DHX16: variants seen among roughly 807,000 people sequenced by gnomAD.
The protein encoded by DHX16 is pre-mRNA-splicing factor ATP-dependent RNA helicase DHX16.
In DHX16, 81 loss-of-function variants were observed where a neutral mutation model predicts 131.2. That is an observed-to-expected ratio of 0.62 (90% CI 0.52 to 0.74). DHX16 has a LOEUF of 0.74. Among genes scored for constraint, DHX16 ranks in the 30% least tolerant of loss-of-function variants. The pLI is 0.00. For missense variants in DHX16, 980 were observed against 1,363.1 expected (o/e 0.72, Z 4.43); for synonymous variants, 440 against 520.2 (o/e 0.85, Z 2.10).
intron 18 of DHX16, 119 bp downstream of exon 18, chr6:30,655,055 GT>G (rs1767842332): frequency 4.1e-6 from 6 of 1,460,022 alleles, no homozygotes; most frequent in Non-Finnish European, 4.7e-6. Flanking sequence ...GGGAGGACAC[GT>G]CATACACAAG....
rs773590341 is a variant in DHX16 at position 30,656,906 on chromosome 6, G to A, written c.2148+46C>T. ...CCTGCTTCTGAGTTGGACCTTCTCT[G>A]TGGGCCAACTCCACCTCCCCCACTC... On this transcript the variant is annotated intron_variant, in intron 13 of 19. Coordinates refer to ENST00000376442, the MANE Select transcript of DHX16 (RefSeq NM_003587.5). This position sits in a 1 kb window ranked among gnomAD's most constrained non-coding sequence, Gnocchi z 5.1. 6.3e-7 allele frequency: 1 copy of A among 1,597,040 alleles called. No individual in the cohort carries two copies. Among genetic ancestry groups the A allele is most frequent in the Non-Finnish European group, 8.5e-7 (1 of 1,170,868 alleles).
chr6:30,671,439 C>T (rs1176964946), intron 1 of DHX16, among the ~76,000 whole-genome samples, 165 bp from the exon 2 acceptor site: 1 of 152,180 alleles, frequency 6.6e-6, no homozygotes, highest in Admixed American at 6.5e-5. Context: ...CCTCCGCCTC[C>T]CAGGTTCAAG....
At chr6:30,660,361 C>T (rs960731713) in intron 9 of DHX16, 119 bp from the exon 10 acceptor site, 5 of 818,964 alleles carry the variant, frequency 6.1e-6, no homozygotes, top group East Asian at 3.0e-5. Context: ...TGACTGTTGA[C>T]GGAGGGGGCT....
At chr6:30,654,672 C>T in intron 19 of DHX16, 34 bp downstream of exon 19, 1 of 1,586,452 alleles carries the variant, frequency 6.3e-7, no homozygotes, top group Non-Finnish European at 8.6e-7. Context: ...TCTACATAGT[C>T]TCCACCTGCG....
intron 7 of DHX16, 128 bp from the exon 8 acceptor site, chr6:30,663,149 AC>A: frequency 1.3e-6 from 1 of 762,492 alleles, no homozygotes; most frequent in South Asian, 1.8e-5. Flanking sequence ...GATGCTGAAA[AC>A]CAGAAAAGAA....
At chr6:30,663,720 CAA>C (rs537931461) in intron 7 of DHX16, among the ~76,000 whole-genome samples, 24 of 50,656 alleles carry the variant, frequency 4.7e-4, no homozygotes, top group Admixed American at 9.4e-4. Context: ...GACTCTGTCT[CAA>C]AAAAAAAAAA....
rs372778035 is a variant in DHX16 at position 30,667,938 on chromosome 6, G to T, written c.667-2205C>A. On this transcript the variant is annotated intron_variant, in intron 4 of 19. Coordinates refer to ENST00000376442, the MANE Select transcript of DHX16 (RefSeq NM_003587.5). The stretch of plus-strand genomic sequence containing the variant: ...CTGCAAGGTGAGACAGACAGAGAGA[G>T]AAACAAACTTAACATCTAAGACCCA... Among the ~76,000 whole-genome samples the T allele has an allele frequency of 1.5e-4, 23 of 152,312 alleles. No homozygotes were observed. In the South Asian group the frequency reaches 1.9e-3, roughly 12 times the overall value.
chr6:30,658,991 A>C (rs905033870), intron 12 of DHX16, among the ~76,000 whole-genome samples: 1 of 152,048 alleles, frequency 6.6e-6, no homozygotes, highest in Non-Finnish European at 1.5e-5. Context: ...GGTTCAAGCG[A>C]TTCTCATGAC....
Position 30,656,301 on chromosome 6 carries a change from C to G in DHX16, c.2431-36G>C. 6.2e-7 allele frequency: 1 copy of G among 1,613,324 alleles called. No homozygotes were observed. Among genetic ancestry groups the G allele is most frequent in the South Asian group, 1.1e-5 (1 of 91,072 alleles). ...GAGAGAGAGAGTTGAGCCCAGTCCT[C>G]CCTCAGGTTTCCCGCTACTACTACA... On this transcript the variant is annotated intron_variant, in intron 15 of 19. Transcript: ENST00000376442. The surrounding 1 kb of genome is among the most constrained non-coding windows in gnomAD (Gnocchi z 5.1).
At position 30,661,972 on chromosome 6, in the gene DHX16, C is replaced by A. The variant is rs993505750; in HGVS notation, c.1544+655G>T. On this transcript the variant is annotated intron_variant, in intron 9 of 19. Transcript: ENST00000376442. ...CAGCCTCTGAAGAGTCAAAAAGGCA[C>A]ATATTGTTCAGCTGGCCTGACCCCA... 38 of 682,516 alleles carry A rather than the reference C, an allele frequency of 5.6e-5. 1 individual carries two copies. Among genetic ancestry groups the A allele is most frequent in the Admixed American group, 5.0e-4 (24 of 48,280 alleles). The allele number at this position is 682,516 out of a possible 1,614,324, so 42.3% of individuals were successfully genotyped here. A position where few individuals can be genotyped will look rare whatever the true frequency, so the allele number is the denominator to read the frequency against.
In DHX16 at chr6:30,660,142, G is replaced by A. The variant is rs1768367668; in HGVS notation, c.1645C>T (p.Leu549=). 2 of 1,609,180 alleles carry A rather than the reference G, an allele frequency of 1.2e-6. No individual in the cohort carries two copies. The highest frequency in any genetic ancestry group is 8.5e-7 in the Non-Finnish European group (1 of 1,177,910). ...VARFRPELKV[L]VASATMDTAR... Reference sequence around the variant, plus strand: ...GTGTCCATTGTGGCTGAAGCCACCAGGACCTTGAGCTCAGGTCGGAAGCGA... The same window carrying A: ...GTGTCCATTGTGGCTGAAGCCACCAAGACCTTGAGCTCAGGTCGGAAGCGA... The change falls in exon 10 of 20, where the codon CTG becomes TTG. Residue 549 remains leucine, a synonymous_variant. Transcript: ENST00000376442.
chr6:30,660,230 C>T lies in DHX16; in HGVS notation c.1557G>A (p.Val519=). Residue 519 remains valine, a synonymous_variant, in exon 10 of 20, where the codon GTG becomes GTA. Coordinates refer to ENST00000376442, the MANE Select transcript of DHX16 (RefSeq NM_003587.5). ...PDLASYSVVM[V]DEAHERTLHT... ...GTAGGGTCCTTTCGTGTGCCTCATC[C>T]ACCATCACCACGCTGGGGAGGGAAT... The T allele has an allele frequency of 6.5e-7, 1 of 1,529,188 alleles. No homozygotes were observed. Among genetic ancestry groups the T allele is most frequent in the Non-Finnish European group, 8.8e-7 (1 of 1,137,618 alleles). The allele number at this position is 1,529,188 out of a possible 1,614,324, so 94.7% of individuals were successfully genotyped here. A position where few individuals can be genotyped will look rare whatever the true frequency, so the allele number is the denominator to read the frequency against.
rs1251733861 is a variant in DHX16, at chr6:30,653,185, T to G, written c.*57A>C. 3.2e-6 allele frequency: 5 copies of G among 1,565,790 alleles called. No individual in the cohort carries two copies. The highest frequency in any genetic ancestry group is 1.4e-5 in the African/African-American group (1 of 72,386). On this transcript the variant is annotated 3_prime_UTR_variant, in exon 20 of 20. Coordinates refer to ENST00000376442, the MANE Select transcript of DHX16 (RefSeq NM_003587.5). ...CAAAAATAATTTTATTTAATAGGTA[T>G]TAAATAATGTATAGAAGGAAAAGGA...
In DHX16 at chr6:30,654,984, A is replaced by C. The variant is rs115411232; in HGVS notation, c.2824-105T>G. ...AGGCTTCAGGAAAACTAGAGAGGTAAGGAATGCATGAAGAACTTCCCAGGA... is the reference window on the plus strand; with the variant it reads ...AGGCTTCAGGAAAACTAGAGAGGTACGGAATGCATGAAGAACTTCCCAGGA... On this transcript the variant is annotated intron_variant, in intron 18 of 19. Transcript: ENST00000376442. 11,177 of 1,422,904 alleles carry C rather than the reference A, an allele frequency of 7.9e-3. 272 individuals are homozygous for C. The highest frequency in any genetic ancestry group is 0.073 in the East Asian group (3,120 of 42,508). 88.1% of individuals were successfully genotyped at this position (1,422,904 alleles called of 1,614,324 possible). A position where few individuals can be genotyped will look rare whatever the true frequency, so the allele number is the denominator to read the frequency against.
At position 30,672,809 on chromosome 6, in the gene DHX16, A is replaced by AG. The variant is rs1331586466; in HGVS notation, c.32_33insC (p.Gln12SerfsTer40). ...CCAACACCGAGTGCAGCTCGTCCTG[A>AG]ACCCAGCGCTCCAGACCCGCCGGCG... is the stretch of plus-strand genomic sequence containing the variant. On this transcript the variant is annotated frameshift_variant, in exon 1 of 20. Coordinates refer to ENST00000376442, the MANE Select transcript of DHX16 (RefSeq NM_003587.5). LOFTEE classifies it high-confidence loss of function. The AG allele has an allele frequency of 1.9e-6, 3 of 1,612,936 alleles. No homozygotes were observed. In the South Asian group the frequency reaches 3.3e-5, roughly 18 times the overall value.
intron 4 of DHX16, among the ~76,000 whole-genome samples, chr6:30,666,510 A>G (rs1769056622): frequency 1.3e-5 from 2 of 152,176 alleles, no homozygotes; most frequent in Admixed American, 1.3e-4. Context: ...GCAAGGTCAA[A>G]GCCCCTCTGG....
In DHX16 at chr6:30,659,635, G is replaced by A. The variant is rs369621324; in HGVS notation, c.1855-11C>T. The A allele has an allele frequency of 2.5e-6, 4 of 1,613,762 alleles. No homozygotes were observed. The African/African-American group carries it at 4.0e-5, about 16-fold the overall frequency. On this transcript the variant is annotated splice_polypyrimidine_tract_variant and intron_variant, in intron 11 of 19. Transcript: ENST00000376442. ...AGCCTCAATCTCCTCCTGGATAGAG[G>A]GTAGGGAGAGCAGCAGGGGTCCCAG... is the stretch of plus-strand genomic sequence containing the variant.
rs1768058399 is a variant in DHX16, at chr6:30,657,105, A to C, written c.2008-13T>G. The C allele has an allele frequency of 6.2e-7, 1 of 1,606,666 alleles. No individual in the cohort carries two copies. The highest frequency in any genetic ancestry group is 1.3e-5 in the African/African-American group (1 of 74,686). On this transcript the variant is annotated splice_polypyrimidine_tract_variant and intron_variant, in intron 12 of 19. Transcript: ENST00000376442. ...TTGCCACAACCACCTGAGTGATAGG[A>C]TATGGGGTCACCCAGTGACCCCACC...
chr6:30,665,146 C>T lies in DHX16; in HGVS notation c.1050G>A (p.Glu350=). ...KFGARDAASQ[E]PKYQLVLEEE... Reference sequence around the variant, plus strand: ...CCTCCAGCACCAGTTGATACTTGGGCTCCTGAGAGGCAGCATCTCGGGCCC... The same window carrying T: ...CCTCCAGCACCAGTTGATACTTGGGTTCCTGAGAGGCAGCATCTCGGGCCC... Residue 350 remains glutamate (E), a synonymous_variant, in exon 6 of 20, where the codon GAG becomes GAA. Transcript: ENST00000376442. This position sits in a 1 kb window ranked among gnomAD's most constrained non-coding sequence, Gnocchi z 4.8. 5 of 1,613,828 alleles carry T rather than the reference C, an allele frequency of 3.1e-6. No individual in the cohort carries two copies. Among genetic ancestry groups the T allele is most frequent in the South Asian group, 1.1e-5 (1 of 91,034 alleles).
Sources: gnomAD v4.1 joint callset for allele counts (sites outside exome capture counted in the v4.1 genomes callset) on GRCh38, gnomAD v4.1.1 for gene constraint, Gnocchi (gnomAD v3.1) non-coding constraint, MANE v1.5 for transcripts, NCBI Gene and HGNC (gene_info 2026-07-23, HGNC 2026-07-21) for gene names.